The following RBFOX1 variants were observed in gnomAD, a reference collection of about 807,000 sequenced individuals.
The protein encoded by RBFOX1 is RNA binding fox-1 homolog 1.
A neutral mutation model predicts 57.7 loss-of-function variants in RBFOX1; 8 were observed. The observed-to-expected ratio is 0.14, with a 90% CI of 0.08 to 0.25. RBFOX1 has a LOEUF of 0.25. Among genes scored for constraint, RBFOX1 ranks in the 10% least tolerant of loss-of-function variants. The probability of loss-of-function intolerance (pLI) is 1.00; values close to 1 mark genes in which losing one functional copy is unlikely to be tolerated. For missense variants in RBFOX1, 611 were observed against 548.5 expected (o/e 1.11, Z -1.14); for synonymous variants, 326 against 222.4 (o/e 1.47, Z -4.15).
intron 3 of RBFOX1, among the ~76,000 whole-genome samples, chr16:6,753,114 T>C (rs969120724): frequency 6.6e-6 from 1 of 152,152 alleles, no homozygotes; most frequent in African/African-American, 2.4e-5. Flanking sequence ...GTAAACATCA[T>C]GTATACTGAA....
At chr16:7,056,630 A>T (rs139676814) in intron 4 of RBFOX1, among the ~76,000 whole-genome samples, 189 of 152,270 alleles carry the variant, frequency 1.2e-3, no homozygotes, top group African/African-American at 4.3e-3. Flanking sequence ...CTACCAGTTG[A>T]GGGAGATTGT....
chr16:5,808,870 G>A (rs936547229), intron 3 of RBFOX1, among the ~76,000 whole-genome samples: 1 of 152,148 alleles, frequency 6.6e-6, no homozygotes. Flanking sequence ...TGCAAACAGG[G>A]ACAATTTGAC....
chr16:5,434,219 G>C (rs868357766), intron 1 of RBFOX1, among the ~76,000 whole-genome samples: 9 of 151,584 alleles, frequency 5.9e-5, no homozygotes, highest in Admixed American at 2.0e-4. Flanking sequence ...AGTGGAGAAG[G>C]ATGAGGCCTT....
chr16:6,327,311 C>T (rs1033664800), intron 2 of RBFOX1, among the ~76,000 whole-genome samples: 1 of 151,982 alleles, frequency 6.6e-6, no homozygotes, highest in African/African-American at 2.4e-5. Context: ...TCCGCTTTAT[C>T]TTAGAATATC....
chr16:7,045,915 C>A (rs1237333673), intron 3 of RBFOX1, among the ~76,000 whole-genome samples: 1 of 152,148 alleles, frequency 6.6e-6, no homozygotes, highest in Admixed American at 6.5e-5. Flanking sequence ...ACCTCGGCCT[C>A]CCAAAGTGCT....
chr16:7,629,248 G>A (rs1483880347), intron 10 of RBFOX1, among the ~76,000 whole-genome samples: 1 of 152,160 alleles, frequency 6.6e-6, no homozygotes, highest in Non-Finnish European at 1.5e-5. Flanking sequence ...CTGGTTTACT[G>A]TCCCTTGATG....
At chr16:7,160,924 C>T (rs1341052482) in intron 4 of RBFOX1, among the ~76,000 whole-genome samples, 3 of 151,908 alleles carry the variant, frequency 2.0e-5, no homozygotes, top group Non-Finnish European at 2.9e-5. Flanking sequence ...CCGTCTTTTA[C>T]TTATGTGTAG....
chr16:6,271,656 G>A (rs1476114671), intron 1 of RBFOX1, among the ~76,000 whole-genome samples: 2 of 152,066 alleles, frequency 1.3e-5, no homozygotes, highest in African/African-American at 2.4e-5. Flanking sequence ...AGGTAGTAAG[G>A]GAATACCGTA....
At chr16:7,065,253 G>A (rs79994603) in intron 4 of RBFOX1, among the ~76,000 whole-genome samples, 4 of 152,100 alleles carry the variant, frequency 2.6e-5, no homozygotes, top group Non-Finnish European at 2.9e-5. Context: ...TAGCTTTCTT[G>A]TAGCGAAGGT....
intron 3 of RBFOX1, among the ~76,000 whole-genome samples, chr16:5,623,752 C>T (rs1030856288): frequency 6.6e-6 from 1 of 152,032 alleles, no homozygotes; most frequent in Non-Finnish European, 1.5e-5. Flanking sequence ...TGCTCTTTTT[C>T]TCCCCCATCT....
intron 4 of RBFOX1, among the ~76,000 whole-genome samples, chr16:7,184,772 C>G (rs926072902): frequency 6.6e-6 from 1 of 152,150 alleles, no homozygotes; most frequent in African/African-American, 2.4e-5. Flanking sequence ...AGTCAGAAAC[C>G]TTAGTTCTGA....
At chr16:6,860,396 C>T (rs887813709) in intron 3 of RBFOX1, among the ~76,000 whole-genome samples, 1 of 152,208 alleles carries the variant, frequency 6.6e-6, no homozygotes, top group African/African-American at 2.4e-5. Flanking sequence ...CTCTTCAAAT[C>T]TGCAAGTCTT....
chr16:6,300,785 C>T (rs770798576), intron 1 of RBFOX1, among the ~76,000 whole-genome samples: 3 of 152,188 alleles, frequency 2.0e-5, no homozygotes, highest in African/African-American at 4.8e-5. Context: ...AGTCCATTTA[C>T]TCCACCACCA....
chr16:7,473,559 C>G (rs912374320), intron 4 of RBFOX1, among the ~76,000 whole-genome samples: 1 of 150,352 alleles, frequency 6.7e-6, no homozygotes, highest in Non-Finnish European at 1.5e-5. Flanking sequence ...TAGTATTTAG[C>G]GAAAGCAGTT....
chr16:7,332,635 G>T (rs1470309477), intron 4 of RBFOX1: 2 of 393,422 alleles, frequency 5.1e-6, no homozygotes, highest in African/African-American at 4.2e-5. Flanking sequence ...TCATAGCCTG[G>T]TTCCCTCTGT....
At chr16:5,722,731 C>T (rs2051982678) in intron 3 of RBFOX1, among the ~76,000 whole-genome samples, 1 of 152,140 alleles carries the variant, frequency 6.6e-6, no homozygotes, top group Admixed American at 6.6e-5. Flanking sequence ...TCATGGATAC[C>T]ATTCTATGCT....
rs536405983 is a variant in RBFOX1 at position 6,821,475 on chromosome 16, A to C, written c.-16+166825A>C. Among the ~76,000 whole-genome samples the C allele has an allele frequency of 2.6e-5, 4 of 152,312 alleles. No homozygotes were observed. In the South Asian group the frequency reaches 8.3e-4, roughly 32 times the overall value. ...CATAGTGCATTAATGTTGTGCAACT[A>C]CCACCTTTATCTAGTTCCAAAACAT... On this transcript the variant is annotated intron_variant, in intron 3 of 15. Coordinates refer to ENST00000550418, the MANE Select transcript of RBFOX1 (RefSeq NM_018723.4).
intron 3 of RBFOX1, among the ~76,000 whole-genome samples, chr16:6,873,274 G>T (rs2061267143): frequency 6.6e-6 from 1 of 152,092 alleles, no homozygotes; most frequent in African/African-American, 2.4e-5. Flanking sequence ...TAGTTATCTT[G>T]GTCCCAAAGC....
intron 3 of RBFOX1, among the ~76,000 whole-genome samples, chr16:6,961,059 C>G (rs1055032237): frequency 1.3e-5 from 2 of 151,264 alleles, no homozygotes; most frequent in African/African-American, 2.4e-5. Flanking sequence ...AGGAGAATCA[C>G]TTGAATCCGG....
Sources: gnomAD v4.1 joint callset for allele counts (sites outside exome capture counted in the v4.1 genomes callset) on GRCh38, gnomAD v4.1.1 for gene constraint, MANE v1.5 for transcripts, NCBI Gene and HGNC (gene_info 2026-07-23, HGNC 2026-07-21) for gene names.